Variants in STOX2 observed in about 807,000 individuals in gnomAD.
The protein encoded by STOX2 is storkhead-box protein 2.
STOX2 carries 28 observed loss-of-function variants against 60.9 expected under a neutral mutation model. The ratio of observed to expected loss-of-function variants is 0.46; its 90% confidence interval spans 0.34 to 0.63. The LOEUF is 0.63. STOX2 is among the 30% of genes least tolerant of loss of function. The pLI, the probability that STOX2 is intolerant of heterozygous loss-of-function variation, is 0.01. For missense variants in STOX2, 1,024 were observed against 1,187.7 expected (o/e 0.86, Z 2.03); for synonymous variants, 472 against 463.9 (o/e 1.02, Z -0.22).
At chr4:183,914,279 G>T (rs1280664905) in intron 1 of STOX2, among the ~76,000 whole-genome samples, 2 of 151,924 alleles carry the variant, frequency 1.3e-5, no homozygotes, top group Admixed American at 1.3e-4. Context: ...CTCTACAAAA[G>T]ATACAAAAAT....
chr4:183,870,088 G>T (rs1740654452), intron 1 of STOX2, among the ~76,000 whole-genome samples: 1 of 152,154 alleles, frequency 6.6e-6, no homozygotes, highest in Admixed American at 6.5e-5. Context: ...ATACATTTCA[G>T]TACTTACGAT....
chr4:184,006,661 C>T (rs1733841443), intron 2 of STOX2, among the ~76,000 whole-genome samples: 1 of 131,998 alleles, frequency 7.6e-6, no homozygotes, highest in African/African-American at 2.9e-5. Flanking sequence ...GCACTCCAGC[C>T]TGCGCAAGGG....
intron 1 of STOX2, among the ~76,000 whole-genome samples, chr4:183,827,553 T>C (rs1281508186): frequency 6.6e-6 from 1 of 151,954 alleles, no homozygotes; most frequent in East Asian, 1.9e-4. Flanking sequence ...GAGTTCCTCT[T>C]TACTCAGCTT....
chr4:183,835,023 G>A (rs1739668707), intron 1 of STOX2, among the ~76,000 whole-genome samples: 1 of 152,096 alleles, frequency 6.6e-6, no homozygotes, highest in Non-Finnish European at 1.5e-5. Context: ...GCAATACAGT[G>A]TCGTGGAGAG....
chr4:183,990,067 T>A (rs1442572233), intron 1 of STOX2, among the ~76,000 whole-genome samples: 1 of 152,234 alleles, frequency 6.6e-6, no homozygotes, highest in Non-Finnish European at 1.5e-5. Flanking sequence ...CTTTCTCCAC[T>A]GTCAGAGGTC....
chr4:183,883,772 G>A (rs1006206097), intron 1 of STOX2, among the ~76,000 whole-genome samples: 2 of 152,106 alleles, frequency 1.3e-5, no homozygotes, highest in Admixed American at 6.6e-5. Context: ...AATGTGACAC[G>A]ACTTTACAAT....
In STOX2 at chr4:183,800,187, T is replaced by C. The variant is rs377537455; in HGVS notation, c.364+2132T>C. Among the ~76,000 whole-genome samples the C allele has an allele frequency of 2.6e-3, 23 of 8,916 alleles. 1 individual carries two copies. The highest frequency in any genetic ancestry group is 3.9e-3 in the African/African-American group (23 of 5,928). 5.8% of individuals were successfully genotyped at this position (8,916 alleles called of 152,430 possible). On this transcript the variant is annotated intron_variant, in intron 1 of 2. Transcript: ENST00000513034. ...AAAATTCTCAATATCTGCTGCAGGC[T>C]TCCTCATTTTTTTTTGTTGCCAGAT...
chr4:183,929,228 G>C (rs1446312932), intron 1 of STOX2, among the ~76,000 whole-genome samples: 1 of 152,174 alleles, frequency 6.6e-6, no homozygotes, highest in Admixed American at 6.5e-5. Flanking sequence ...CAGCATACAG[G>C]ATGAGACCAA....
At chr4:183,887,620 C>G (rs1012360009) in intron 1 of STOX2, among the ~76,000 whole-genome samples, 1 of 152,198 alleles carries the variant, frequency 6.6e-6, no homozygotes, top group African/African-American at 2.4e-5. Context: ...GCTCTGTTTC[C>G]CATTTTGCCT....
At chr4:183,919,683 G>A (rs1742042746) in intron 1 of STOX2, among the ~76,000 whole-genome samples, 1 of 152,108 alleles carries the variant, frequency 6.6e-6, no homozygotes, top group Non-Finnish European at 1.5e-5. Context: ...GTAGCTCACT[G>A]CAACCTCTAC....
rs1441560972 is a variant in STOX2 at position 183,865,700 on chromosome 4, T to C, written c.364+67645T>C. On this transcript the variant is annotated intron_variant, in intron 1 of 2. Coordinates refer to the STOX2 transcript ENST00000513034. This position sits in a 1 kb window ranked among gnomAD's most constrained non-coding sequence, Gnocchi z 4.1. ...TAAAAGAATAAGACAGAATTAGGAG[T>C]TTGGATGGGGAAGAGGAGGTGACGG... Among the ~76,000 whole-genome samples, 1 of 150,454 alleles carries C rather than the reference T, an allele frequency of 6.6e-6. No homozygotes were observed.
At position 183,828,653 on chromosome 4, in the gene STOX2, T is replaced by C. The variant is rs1486177522; in HGVS notation, c.364+30598T>C. 3.9e-5 allele frequency among the ~76,000 whole-genome samples: 6 copies of C among 152,230 alleles called. 1 individual carries two copies. In the South Asian group the frequency reaches 1.2e-3, roughly 31 times the overall value. On this transcript the variant is annotated intron_variant, in intron 1 of 2. Coordinates refer to the STOX2 transcript ENST00000513034. ...CAGATTTAAGTTTTTAGGTACATGCTTTTATTATTCAGGCTGGCTCTTGGT... is the reference window on the plus strand; with the variant it reads ...CAGATTTAAGTTTTTAGGTACATGCCTTTATTATTCAGGCTGGCTCTTGGT...
chr4:183,889,760 C>G (rs1032168389), intron 1 of STOX2, among the ~76,000 whole-genome samples: 1 of 151,596 alleles, frequency 6.6e-6, no homozygotes, highest in African/African-American at 2.4e-5. Context: ...AGGCCACCTC[C>G]CCTCTTTCTA....
intron 1 of STOX2, among the ~76,000 whole-genome samples, chr4:183,946,224 C>T (rs1019304622): frequency 6.6e-6 from 1 of 152,178 alleles, no homozygotes; most frequent in African/African-American, 2.4e-5. Flanking sequence ...GGAAGACTGA[C>T]TTCATTTCAA....
rs921907724 is a variant in STOX2 at position 183,806,708 on chromosome 4, C to G, written c.364+8653C>G. Among the ~76,000 whole-genome samples, 2 of 152,140 alleles carry G rather than the reference C, an allele frequency of 1.3e-5. No individual in the cohort carries two copies. The highest frequency in any genetic ancestry group is 1.3e-4 in the Admixed American group (2 of 15,280). ...CCCTCCAGGATTTGGACTATTTTTT[C>G]TTTTCAAACCATTGCAACAAAAGGT... On this transcript the variant is annotated intron_variant, in intron 1 of 2. Transcript: ENST00000513034. This position sits in a 1 kb window ranked among gnomAD's most constrained non-coding sequence, Gnocchi z 4.1.
chr4:183,844,877 G>C (rs754988954), intron 1 of STOX2, among the ~76,000 whole-genome samples: 2 of 152,160 alleles, frequency 1.3e-5, no homozygotes, highest in Non-Finnish European at 2.9e-5. Flanking sequence ...TGACCCCAAG[G>C]CTAAAATGTT....
chr4:183,958,394 T>C (rs1213521470), intron 1 of STOX2, among the ~76,000 whole-genome samples: 1 of 152,138 alleles, frequency 6.6e-6, no homozygotes, highest in African/African-American at 2.4e-5. Context: ...AAATACCATA[T>C]ATATAAAATA....
At chr4:183,835,105 C>T (rs1399647908) in intron 1 of STOX2, among the ~76,000 whole-genome samples, 2 of 151,804 alleles carry the variant, frequency 1.3e-5, no homozygotes, top group African/African-American at 4.8e-5. Flanking sequence ...ATTACGTGAC[C>T]CTCAGGCAAG....
rs372432102 is a variant in STOX2, at chr4:183,822,522, A to G, written c.364+24467A>G. On this transcript the variant is annotated intron_variant, in intron 1 of 2. Coordinates refer to the STOX2 transcript ENST00000513034. ...GGTCCCATCTGGGAGACAGTGACAG[A>G]TCATCAGGCATTAGATTCTCATAAG... Among the ~76,000 whole-genome samples the G allele has an allele frequency of 3.9e-5, 6 of 152,346 alleles. No individual in the cohort carries two copies. In the East Asian group the frequency reaches 1.2e-3, roughly 29 times the overall value.
Sources: gnomAD v4.1 joint callset for allele counts (sites outside exome capture counted in the v4.1 genomes callset) on GRCh38, gnomAD v4.1.1 for gene constraint, Gnocchi (gnomAD v3.1) non-coding constraint, MANE v1.5 for transcripts, NCBI Gene and HGNC (gene_info 2026-07-23, HGNC 2026-07-21) for gene names.